USP43: variants seen among roughly 807,000 people sequenced by gnomAD.
The protein encoded by USP43 is ubiquitin carboxyl-terminal hydrolase 43.
USP43 carries 33 observed loss-of-function variants against 90.7 expected under a neutral mutation model. That is an observed-to-expected ratio of 0.36 (90% CI 0.28 to 0.49). USP43 has a LOEUF of 0.49. USP43 is among the 20% of genes least tolerant of loss of function. USP43 has a pLI of 0.98. For synonymous variants in USP43, 598 were observed against 615.8 expected (o/e 0.97, Z 0.43); for missense variants, 1,274 against 1,476.4 (o/e 0.86, Z 2.25).
At chr17:9,715,821 GTGTGTCTATGTGTATGTATC>G (rs1257833105) in intron 14 of USP43, among the ~76,000 whole-genome samples, 2 of 151,280 alleles carry the variant, frequency 1.3e-5, no homozygotes, top group Non-Finnish European at 2.9e-5. Flanking sequence ...GTGTGTCTCT[GTGTGTCTATGTGTATGTATC>G]TGTGTATATG....
At chr17:9,667,768 G>T (rs1913136935) in intron 3 of USP43, among the ~76,000 whole-genome samples, 1 of 152,206 alleles carries the variant, frequency 6.6e-6, no homozygotes, top group African/African-American at 2.4e-5. Context: ...GCTTGCCTGT[G>T]TGTGTATATG....
intron 1 of USP43, chr17:9,647,513 CG>C (rs1183392276): frequency 1.3e-5 from 2 of 152,082 alleles, no homozygotes; most frequent in Non-Finnish European, 2.9e-5. Context: ...CCTCGTTATA[CG>C]GTTGTTGTAT....
chr17:9,710,629 C>T (rs1285505525), intron 13 of USP43, among the ~76,000 whole-genome samples: 1 of 151,072 alleles, frequency 6.6e-6, no homozygotes, highest in Non-Finnish European at 1.5e-5. Flanking sequence ...CTCAGCCTCC[C>T]GAGTAGCTGG....
At chr17:9,680,189 T>G in intron 5 of USP43, 42 bp from the exon 6 acceptor site, 1 of 1,602,712 alleles carries the variant, frequency 6.2e-7, no homozygotes, top group Non-Finnish European at 8.5e-7. Flanking sequence ...TGTTGATTTC[T>G]CTTTCAGAAA....
Position 9,709,984 on chromosome 17 carries a change from G to T in USP43, c.2040G>T (p.Gln680His). The change falls in exon 13 of 15, where the codon CAG (glutamine) becomes CAT (histidine). Residue 680 changes from glutamine to histidine, a missense_variant. By Grantham distance (24) the Gln-to-His change is conservative. Coordinates refer to ENST00000285199, the MANE Select transcript of USP43 (RefSeq NM_153210.5). The surrounding 1 kb of genome is among the most constrained non-coding windows in gnomAD (Gnocchi z 5.0). ...ACTGCCGGAACTCTCTGGATGGCCAGTGGTACAGTTATGATGACAGCACGG... is the reference window on the plus strand; with the variant it reads ...ACTGCCGGAACTCTCTGGATGGCCATTGGTACAGTTATGATGACAGCACGG... Reference protein sequence around the residue: ...TAYCRNSLDGQWYSYDDSTVE... With the variant: ...TAYCRNSLDGHWYSYDDSTVE... 6.6e-7 allele frequency: 1 copy of T among 1,519,398 alleles called. No individual in the cohort carries two copies. The highest frequency in any genetic ancestry group is 8.8e-7 in the Non-Finnish European group (1 of 1,131,892). The allele number at this position is 1,519,398 out of a possible 1,614,324, so 94.1% of individuals were successfully genotyped here. A position where few individuals can be genotyped will look rare whatever the true frequency, so the allele number is the denominator to read the frequency against.
intron 12 of USP43, among the ~76,000 whole-genome samples, chr17:9,708,351 G>A (rs1348657528): frequency 6.6e-6 from 1 of 152,222 alleles, no homozygotes; most frequent in Non-Finnish European, 1.5e-5. Flanking sequence ...TATGGAGAAT[G>A]TGTAGAAGGG....
intron 14 of USP43, among the ~76,000 whole-genome samples, chr17:9,726,143 C>T (rs970594047): frequency 1.3e-5 from 2 of 152,278 alleles, no homozygotes; most frequent in Admixed American, 6.5e-5. Flanking sequence ...CATGGGCTTT[C>T]GGCTTCTTCC....
At chr17:9,722,435 C>T (rs1386983943) in intron 14 of USP43, among the ~76,000 whole-genome samples, 1 of 152,112 alleles carries the variant, frequency 6.6e-6, no homozygotes, top group Non-Finnish European at 1.5e-5. Context: ...CAGTCCATGC[C>T]GATGTAATGT....
chr17:9,727,589 C>G (rs1185181894), intron 14 of USP43, among the ~76,000 whole-genome samples: 3 of 151,834 alleles, frequency 2.0e-5, no homozygotes, highest in African/African-American at 7.3e-5. Context: ...CCTAGAAAAG[C>G]AGGAACTTTT....
At chr17:9,682,701 G>T (rs913851663) in intron 6 of USP43, 122 bp from the exon 7 acceptor site, 4 of 1,303,924 alleles carry the variant, frequency 3.1e-6, no homozygotes, top group Non-Finnish European at 4.1e-6. Context: ...AAGCCCTCTA[G>T]TGGCCCCCCA....
chr17:9,676,378 C>G (rs1913778740), intron 4 of USP43, among the ~76,000 whole-genome samples: 1 of 152,034 alleles, frequency 6.6e-6, no homozygotes, highest in South Asian at 2.1e-4. Flanking sequence ...TTCTTTCTTT[C>G]TTTCTTTTTG....
chr17:9,715,811 G>A (rs1489453307), intron 14 of USP43, among the ~76,000 whole-genome samples: 4 of 150,906 alleles, frequency 2.7e-5, no homozygotes, highest in Non-Finnish European at 5.9e-5. Context: ...CTGTGTATCT[G>A]TGTGTCTCTG....
chr17:9,659,907 A>T (rs1369637025), intron 2 of USP43, among the ~76,000 whole-genome samples: 1 of 152,144 alleles, frequency 6.6e-6, no homozygotes, highest in East Asian at 1.9e-4. Flanking sequence ...GCATTAGTAG[A>T]TGCCAGTCTA....
intron 2 of USP43, among the ~76,000 whole-genome samples, chr17:9,659,694 G>A (rs984320746): frequency 5.3e-5 from 8 of 152,152 alleles, no homozygotes; most frequent in African/African-American, 1.9e-4. Flanking sequence ...TTGGTAGCAG[G>A]AAAAGGCATT....
chr17:9,648,487 T>C (rs1911612673), intron 1 of USP43, among the ~76,000 whole-genome samples: 3 of 152,142 alleles, frequency 2.0e-5, no homozygotes, highest in Admixed American at 2.0e-4. Flanking sequence ...AGGCACATGA[T>C]TGGAACAGAA....
chr17:9,673,160 TG>T (rs1313427790), intron 3 of USP43, among the ~76,000 whole-genome samples: 1 of 152,176 alleles, frequency 6.6e-6, no homozygotes, highest in African/African-American at 2.4e-5. Flanking sequence ...TGGAAGAATA[TG>T]GTGCATTATA....
At chr17:9,658,758 C>T (rs1289065758) in intron 2 of USP43, among the ~76,000 whole-genome samples, 1 of 152,176 alleles carries the variant, frequency 6.6e-6, no homozygotes, top group Non-Finnish European at 1.5e-5. Flanking sequence ...ACTTGTGAGT[C>T]CAAGGGTCAA....
At chr17:9,697,502 A>G (rs1352867406) in intron 9 of USP43, among the ~76,000 whole-genome samples, 1 of 152,050 alleles carries the variant, frequency 6.6e-6, no homozygotes, top group Non-Finnish European at 1.5e-5. Flanking sequence ...CCCATTTTGC[A>G]GTGCTCAATA....
intron 1 of USP43, among the ~76,000 whole-genome samples, chr17:9,648,539 A>G (rs1911617951): frequency 6.6e-6 from 1 of 152,242 alleles, no homozygotes; most frequent in Admixed American, 6.5e-5. Flanking sequence ...TGACAGTTAC[A>G]GCAGGAAAAT....
Sources: gnomAD v4.1 joint callset for allele counts (sites outside exome capture counted in the v4.1 genomes callset) on GRCh38, gnomAD v4.1.1 for gene constraint, Gnocchi (gnomAD v3.1) non-coding constraint, MANE v1.5 for transcripts, NCBI Gene and HGNC (gene_info 2026-07-23, HGNC 2026-07-21) for gene names.